Variants in KLHL13 observed in about 807,000 individuals in gnomAD.
KLHL13 encodes kelch like family member 13.
Under a neutral mutation model 37.1 loss-of-function variants are expected in KLHL13, and 10 were observed. The ratio of observed to expected loss-of-function variants is 0.27; its 90% CI spans 0.17 to 0.46. The LOEUF is 0.46. KLHL13 is among the 20% of genes least tolerant of loss of function. The probability of loss-of-function intolerance (pLI) is 1.00; values close to 1 mark genes in which losing one functional copy is unlikely to be tolerated. For synonymous variants in KLHL13, 163 were observed against 181.2 expected (o/e 0.90, Z 0.81); for missense variants, 360 against 509.3 (o/e 0.71, Z 2.82).
At chrX:117,968,602 CA>C (rs1262930814) in intron 1 of KLHL13, among the ~76,000 whole-genome samples, 1 of 111,517 alleles carries the variant, frequency 9.0e-6, no homozygotes, top group Non-Finnish European at 1.9e-5. Flanking sequence ...ATTAAGTAGA[CA>C]CAAAGCAAGT....
chrX:118,072,638 AAAAC>A (rs751818353), intron 1 of KLHL13, among the ~76,000 whole-genome samples: 4 of 111,882 alleles, frequency 3.6e-5, no homozygotes, highest in Non-Finnish European at 7.5e-5. Context: ...TTACAAGAAA[AAAAC>A]AAACAACCCC....
chrX:118,072,028 C>T (rs1326552086), intron 1 of KLHL13, among the ~76,000 whole-genome samples: 3 of 109,864 alleles, frequency 2.7e-5, no homozygotes, highest in Non-Finnish European at 5.7e-5. Context: ...CCAAGTCAAT[C>T]CTAAGCCAAA....
chrX:117,991,921 T>A (rs756944248), intron 1 of KLHL13, among the ~76,000 whole-genome samples: 10 of 106,328 alleles, frequency 9.4e-5, no homozygotes, highest in African/African-American at 3.4e-4. Flanking sequence ...TCCCACATTG[T>A]TTGCTCTGTA....
chrX:117,951,640 T>C (rs1933609335), intron 1 of KLHL13, among the ~76,000 whole-genome samples: 1 of 111,941 alleles, frequency 8.9e-6, no homozygotes, highest in African/African-American at 3.2e-5. Context: ...TAAGAAGCTA[T>C]TGCACAGGCT....
At chrX:118,044,013 C>CTA (rs2054531699) in intron 1 of KLHL13, among the ~76,000 whole-genome samples, 1 of 111,952 alleles carries the variant, frequency 8.9e-6, no homozygotes, top group Admixed American at 9.4e-5. Flanking sequence ...CACCCAAAAA[C>CTA]TATTAGAACT....
intron 1 of KLHL13, among the ~76,000 whole-genome samples, chrX:117,995,637 C>T (rs755238330): frequency 9.0e-6 from 1 of 111,086 alleles, no homozygotes; most frequent in East Asian, 2.8e-4. Flanking sequence ...AAAACCCATA[C>T]CCATTAAGCA....
intron 1 of KLHL13, among the ~76,000 whole-genome samples, chrX:117,964,372 G>C (rs2053372940): frequency 9.0e-6 from 1 of 111,528 alleles, no homozygotes; most frequent in South Asian, 3.8e-4. Flanking sequence ...TATTTAACCT[G>C]TTTGTCTTGG....
At chrX:117,913,914 T>C (rs1031254020) in intron 4 of KLHL13, among the ~76,000 whole-genome samples, 17 of 110,322 alleles carry the variant, frequency 1.5e-4, no homozygotes, top group African/African-American at 4.3e-4. Flanking sequence ...ACCTATAAAA[T>C]TGTTCTTAAA....
intron 1 of KLHL13, among the ~76,000 whole-genome samples, chrX:117,964,625 T>TACAAA (rs2053380137): frequency 8.9e-6 from 1 of 111,796 alleles, no homozygotes; most frequent in Non-Finnish European, 1.9e-5. Flanking sequence ...TTAGGGTACA[T>TACAAA]GTGCACAACG....
intron 1 of KLHL13, among the ~76,000 whole-genome samples, chrX:118,092,347 A>G (rs2055146899): frequency 8.9e-6 from 1 of 111,849 alleles, no homozygotes; most frequent in Non-Finnish European, 1.9e-5. Flanking sequence ...AATTCACATG[A>G]CAGCAGATTT....
rs781398074 is a variant in KLHL13, at chrX:118,027,482, G to C, written c.-55-81907C>G. 1.9e-3 allele frequency among the ~76,000 whole-genome samples: 215 copies of C among 110,998 alleles called. 1 individual carries two copies. The highest frequency in any genetic ancestry group is 3.3e-3 in the Non-Finnish European group (174 of 52,979). On this transcript the variant is annotated intron_variant, in intron 1 of 6. Coordinates refer to the KLHL13 transcript ENST00000371882. ...AACACTTAAAAAAGCAACTTGATTT[G>C]GGTGGAGCTTATATTAAGAAACAGT...
At chrX:118,097,175 A>G (rs1335764512) in intron 1 of KLHL13, among the ~76,000 whole-genome samples, 1 of 111,584 alleles carries the variant, frequency 9.0e-6, no homozygotes, top group African/African-American at 3.3e-5. Flanking sequence ...TATATCTAGA[A>G]AACCCCATTG....
chrX:118,075,322 T>C (rs903899522), intron 1 of KLHL13, among the ~76,000 whole-genome samples: 2 of 111,903 alleles, frequency 1.8e-5, no homozygotes, highest in Non-Finnish European at 3.8e-5. Context: ...TTTATACTGA[T>C]GATACTGGGG....
chrX:117,919,176 A>G (rs1931549455), intron 4 of KLHL13, among the ~76,000 whole-genome samples: 1 of 111,175 alleles, frequency 9.0e-6, no homozygotes, highest in African/African-American at 3.3e-5. Context: ...GGCATGCACC[A>G]CCATGCACAG....
chrX:117,979,069 T>C (rs1168910581), intron 1 of KLHL13, among the ~76,000 whole-genome samples: 1 of 110,970 alleles, frequency 9.0e-6, no homozygotes, highest in Non-Finnish European at 1.9e-5. Context: ...GAGCTGGGAT[T>C]ACAGGCATGC....
intron 1 of KLHL13, among the ~76,000 whole-genome samples, chrX:118,001,338 T>C (rs962842768): frequency 8.9e-6 from 1 of 111,789 alleles, no homozygotes; most frequent in African/African-American, 3.3e-5. Context: ...AGGCCATGGA[T>C]AGATGATATT....
chrX:118,013,978 C>G (rs1209983300), intron 1 of KLHL13, among the ~76,000 whole-genome samples: 1 of 112,222 alleles, frequency 8.9e-6, no homozygotes, highest in Non-Finnish European at 1.9e-5. Flanking sequence ...ATCCTGTTAT[C>G]TTCGTAAGCG....
chrX:117,901,645 C>T (rs1457801264), intron 6 of KLHL13, among the ~76,000 whole-genome samples, 188 bp downstream of exon 7: 1 of 109,162 alleles, frequency 9.2e-6, no homozygotes, highest in Non-Finnish European at 1.9e-5. Flanking sequence ...GCTGGGATTA[C>T]AGACGTGCAC....
At chrX:117,937,814 T>C (rs2147772746) in intron 2 of KLHL13, among the ~76,000 whole-genome samples, 1 of 111,948 alleles carries the variant, frequency 8.9e-6, no homozygotes, top group Non-Finnish European at 1.9e-5. Flanking sequence ...TTCACAGATA[T>C]ATGCAATGAT....
Sources: gnomAD v4.1 joint callset for allele counts (sites outside exome capture counted in the v4.1 genomes callset) on GRCh38, gnomAD v4.1.1 for gene constraint, MANE v1.5 for transcripts, NCBI Gene and HGNC (gene_info 2026-07-23, HGNC 2026-07-21) for gene names.